Variants in MTHFD1L observed in about 807,000 individuals in gnomAD.
MTHFD1L encodes the protein monofunctional C1-tetrahydrofolate synthase, mitochondrial.
In MTHFD1L, 81 loss-of-function variants were observed where a neutral mutation model predicts 119.5. The ratio of observed to expected loss-of-function variants is 0.68; its 90% CI spans 0.57 to 0.82. MTHFD1L has a LOEUF of 0.82. Among genes scored for constraint, MTHFD1L ranks in the 40% least tolerant of loss-of-function variants. MTHFD1L has a pLI of 0.00. For missense variants in MTHFD1L, 1,125 were observed against 1,253.4 expected (o/e 0.90, Z 1.55); for synonymous variants, 430 against 475.2 (o/e 0.90, Z 1.24).
intron 13 of MTHFD1L, among the ~76,000 whole-genome samples, chr6:150,944,069 T>A (rs1451379688): frequency 6.6e-6 from 1 of 152,248 alleles, no homozygotes; most frequent in African/African-American, 2.4e-5. Flanking sequence ...AAAGGTTCTT[T>A]GTTGTCACGT....
intron 15 of MTHFD1L, among the ~76,000 whole-genome samples, chr6:150,946,945 G>A (rs947765875): frequency 2.0e-5 from 3 of 151,396 alleles, no homozygotes; most frequent in Admixed American, 6.6e-5. Context: ...CGTGGTGGCA[G>A]GCGCCTGTAG....
intron 7 of MTHFD1L, among the ~76,000 whole-genome samples, chr6:150,895,746 T>C (rs1322916243): frequency 6.6e-6 from 1 of 151,856 alleles, no homozygotes; most frequent in African/African-American, 2.4e-5. Context: ...GTATTATACA[T>C]GTGAAAGGAT....
intron 18 of MTHFD1L, among the ~76,000 whole-genome samples, chr6:150,961,252 C>T (rs1796407784): frequency 6.6e-6 from 1 of 152,140 alleles, no homozygotes; most frequent in Non-Finnish European, 1.5e-5. Context: ...CGCCACCACG[C>T]CCAGTTAATT....
intron 5 of MTHFD1L, among the ~76,000 whole-genome samples, chr6:150,885,379 G>C (rs574503160): frequency 8.7e-4 from 132 of 152,028 alleles, no homozygotes; most frequent in Non-Finnish European, 1.3e-3. Flanking sequence ...TATTTTTAGT[G>C]GAGTTGAGGT....
rs77182532 is a variant in MTHFD1L, at chr6:151,013,728, G to A, written c.2266-51G>A. On this transcript the variant is annotated intron_variant, in intron 21 of 27. Transcript: ENST00000367321. ...TGTTGTTCTTTCTTTCAGATCGGTT[G>A]TGTAAGCATTTTTATAGGATTATTC... 6.1e-4 allele frequency: 901 copies of A among 1,487,282 alleles called. 6 individuals carry two copies. In the African/African-American group the frequency reaches 0.011, roughly 19 times the overall value. 92.1% of individuals were successfully genotyped at this position (1,487,282 alleles called of 1,614,324 possible).
chr6:151,054,499 G>T (rs912051936), intron 26 of MTHFD1L, among the ~76,000 whole-genome samples: 5 of 152,190 alleles, frequency 3.3e-5, no homozygotes, highest in Admixed American at 3.3e-4. Context: ...CCCCTTTGCA[G>T]CAGACTCTGA....
chr6:150,897,295 CT>C (rs1292988996), intron 7 of MTHFD1L, among the ~76,000 whole-genome samples: 2 of 152,154 alleles, frequency 1.3e-5, no homozygotes, highest in African/African-American at 4.8e-5. Context: ...CATTACCTCC[CT>C]TTTATGATGC....
chr6:150,985,992 C>T (rs117936010), intron 20 of MTHFD1L, among the ~76,000 whole-genome samples: 4 of 152,322 alleles, frequency 2.6e-5, no homozygotes, highest in Non-Finnish European at 4.4e-5. Context: ...CTCAGATATA[C>T]TCTTGGTGCC....
chr6:150,966,244 G>C (rs1339222984), intron 19 of MTHFD1L, among the ~76,000 whole-genome samples: 1 of 152,112 alleles, frequency 6.6e-6, no homozygotes, highest in Non-Finnish European at 1.5e-5. Flanking sequence ...AAGCATGGCT[G>C]GGGAGGCCTC....
At chr6:150,973,634 A>G (rs1484855756) in intron 20 of MTHFD1L, among the ~76,000 whole-genome samples, 1 of 152,252 alleles carries the variant, frequency 6.6e-6, no homozygotes, top group Non-Finnish European at 1.5e-5. Context: ...TGTCAAACAC[A>G]TATTTATAAA....
chr6:150,891,056 G>A (rs967724612), intron 7 of MTHFD1L, among the ~76,000 whole-genome samples: 1 of 152,182 alleles, frequency 6.6e-6, no homozygotes, highest in African/African-American at 2.4e-5. Context: ...CGCGAACTCG[G>A]CTCACTGCAA....
intron 20 of MTHFD1L, among the ~76,000 whole-genome samples, chr6:150,974,819 C>T (rs572674185): frequency 1.3e-4 from 20 of 151,956 alleles, no homozygotes; most frequent in Middle Eastern, 3.4e-3. Context: ...TCACTGCAAC[C>T]TCCGCCTCCC....
intron 13 of MTHFD1L, among the ~76,000 whole-genome samples, chr6:150,939,752 T>C (rs569480827): frequency 0.013 from 1,805 of 144,118 alleles, 41 homozygotes; most frequent in African/African-American, 0.045. Flanking sequence ...TGGCACAGTC[T>C]CGGCTCACTG....
At chr6:151,100,417 C>T (rs1795278720) in intron 27 of MTHFD1L, among the ~76,000 whole-genome samples, 1 of 152,140 alleles carries the variant, frequency 6.6e-6, no homozygotes, top group African/African-American at 2.4e-5. Context: ...CGTTCCCTCT[C>T]TTCATCAATA....
intron 26 of MTHFD1L, among the ~76,000 whole-genome samples, chr6:151,042,725 G>A (rs1787316608): frequency 6.6e-6 from 1 of 152,134 alleles, no homozygotes; most frequent in Admixed American, 6.5e-5. Flanking sequence ...CAATATTATT[G>A]AGAAGTAAAT....
At chr6:151,086,084 G>C (rs1793765781) in intron 26 of MTHFD1L, among the ~76,000 whole-genome samples, 1 of 152,142 alleles carries the variant, frequency 6.6e-6, no homozygotes, top group Admixed American at 6.5e-5. Context: ...GCCACCATGA[G>C]AGAGAAGTAT....
At chr6:150,942,350 T>C (rs1315925088) in intron 13 of MTHFD1L, among the ~76,000 whole-genome samples, 1 of 152,242 alleles carries the variant, frequency 6.6e-6, no homozygotes. Context: ...ATAGTTATGA[T>C]ACCAAATTTT....
At chr6:151,059,359 T>A (rs374818849) in intron 26 of MTHFD1L, among the ~76,000 whole-genome samples, 4 of 152,084 alleles carry the variant, frequency 2.6e-5, no homozygotes, top group East Asian at 2.0e-4. Context: ...TTTGTATTAG[T>A]AGAGTTGGGG....
At chr6:151,023,833 C>T (rs1004039402) in intron 24 of MTHFD1L, among the ~76,000 whole-genome samples, 3 of 152,080 alleles carry the variant, frequency 2.0e-5, no homozygotes, top group Admixed American at 6.5e-5. Flanking sequence ...ACATGTTGGC[C>T]GGCTGCCTTC....
Sources: allele counts gnomAD v4.1 joint callset (sites outside exome capture counted in the v4.1 genomes callset), GRCh38; gene constraint gnomAD v4.1.1; transcripts MANE v1.5; gene names NCBI Gene and HGNC (gene_info 2026-07-23, HGNC 2026-07-21).